Variants in GPRC5B observed in about 807,000 individuals in gnomAD.
The protein encoded by GPRC5B is G protein-coupled receptor class C group 5 member B, also known as G protein-coupled receptor family C group 5 member B.
GPRC5B carries 16 observed loss-of-function variants against 30.1 expected under a neutral mutation model. The observed-to-expected ratio is 0.53, with a 90% CI of 0.36 to 0.81. The LOEUF (loss-of-function observed/expected upper bound fraction) is 0.81, where lower values mean the gene tolerates loss of function less well. Among genes scored for constraint, GPRC5B ranks in the 30% least tolerant of loss-of-function variants. The pLI is 0.01. For missense variants in GPRC5B, 428 were observed against 544.7 expected, an observed-to-expected ratio of 0.79 and a Z score of 2.13; for synonymous variants, 241 against 239.5, an observed-to-expected ratio of 1.01 and a Z score of -0.06.
In GPRC5B at chr16:19,857,369, A is replaced by G; in HGVS notation, c.*3131T>C. 2.4e-6 allele frequency: 1 copy of G among 416,828 alleles called. No individual in the cohort carries two copies. Among genetic ancestry groups the G allele is most frequent in the Non-Finnish European group, 4.6e-6 (1 of 216,916 alleles). The allele number at this position is 416,828 out of a possible 1,614,324, so 25.8% of individuals were successfully genotyped here. ...AATAAAACCTATCTGCCCATGGTTT[A>G]CAGCCTTTTAAATTTGTAATATTTA... is the stretch of plus-strand genomic sequence containing the variant. On this transcript the variant is annotated 3_prime_UTR_variant, in exon 4 of 4. Coordinates refer to ENST00000300571, the MANE Select transcript of GPRC5B (RefSeq NM_016235.3).
chr16:19,870,572 A>G (rs1332457740), intron 2 of GPRC5B, among the ~76,000 whole-genome samples: 1 of 152,258 alleles, frequency 6.6e-6, no homozygotes, highest in Non-Finnish European at 1.5e-5. Context: ...GAACGCAGAC[A>G]TCTGCCTCCA....
At position 19,872,360 on chromosome 16, in the gene GPRC5B, C is replaced by A; in HGVS notation, c.486G>T (p.Leu162=). 6.2e-7 allele frequency: 1 copy of A among 1,613,716 alleles called. No homozygotes were observed. Among genetic ancestry groups the A allele is most frequent in the South Asian group, 1.1e-5 (1 of 91,056 alleles). The part of the protein sequence containing the change: ...RHGTGPAGWQ[L]VGLALCLMLV... ...GCATCAGGCACAGCGCCAGGCCCAC[C>A]AGCTGCCAGCCCGCGGGGCCCGTGC... is the stretch of plus-strand genomic sequence containing the variant. Residue 162 remains leucine (L), a synonymous_variant, in exon 2 of 4, where the codon CTG becomes CTT. Transcript: ENST00000300571. The surrounding 1 kb of genome is among the most constrained non-coding windows in gnomAD (Gnocchi z 5.0).
intron 2 of GPRC5B, among the ~76,000 whole-genome samples, chr16:19,866,118 G>A (rs1012121836): frequency 2.0e-5 from 3 of 151,718 alleles, no homozygotes; most frequent in Non-Finnish European, 2.9e-5. Flanking sequence ...TAGTAGAGAC[G>A]GGGTTTTACC....
At position 19,857,699 on chromosome 16, in the gene GPRC5B, C is replaced by A; in HGVS notation, c.*2801G>T. ...ACTCAGCCTTGGCCAACCGAGACCA[C>A]CACCCGAGTTCACCCTTGTTCAGTG... On this transcript the variant is annotated 3_prime_UTR_variant, in exon 4 of 4. Coordinates refer to ENST00000300571, the MANE Select transcript of GPRC5B (RefSeq NM_016235.3). The A allele has an allele frequency of 5.1e-6, 1 of 194,672 alleles. No individual in the cohort carries two copies. Among genetic ancestry groups the A allele is most frequent in the Non-Finnish European group, 1.0e-5 (1 of 97,226 alleles). 12.1% of individuals were successfully genotyped at this position (194,672 alleles called of 1,614,324 possible). A position where few individuals can be genotyped will look rare whatever the true frequency, so the allele number is the denominator to read the frequency against.
chr16:19,885,211 G>T, upstream of GPRC5B: 1 of 1,288,588 alleles, frequency 7.8e-7, no homozygotes, highest in Non-Finnish European at 1.0e-6. This position sits in a 1 kb window ranked among gnomAD's most constrained non-coding sequence, Gnocchi z 5.3. Context: ...ACCGAGGGAG[G>T]TATCGCGACC....
At chr16:19,885,017 G>A (rs2056840137), upstream of GPRC5B, 1 of 547,140 alleles carries the variant, frequency 1.8e-6, no homozygotes, top group Middle Eastern at 9.3e-4. This position sits in a 1 kb window ranked among gnomAD's most constrained non-coding sequence, Gnocchi z 5.3. Flanking sequence ...CCGTCTGCAT[G>A]CACCCCCGGA....
chr16:19,874,783 C>T (rs946782092), intron 1 of GPRC5B: 3 of 152,022 alleles, frequency 2.0e-5, no homozygotes, highest in East Asian at 1.9e-4. Context: ...GCACCTGGCA[C>T]GATGTTTAGT....
intron 3 of GPRC5B, among the ~76,000 whole-genome samples, chr16:19,861,446 T>C (rs2141137417): frequency 6.6e-6 from 1 of 151,422 alleles, no homozygotes; most frequent in Non-Finnish European, 1.5e-5. Context: ...TGGGGAGGAG[T>C]CAACAGAGGG....
intron 1 of GPRC5B, among the ~76,000 whole-genome samples, chr16:19,875,273 G>A (rs1183293325): frequency 6.6e-6 from 1 of 152,204 alleles, no homozygotes; most frequent in African/African-American, 2.4e-5. Flanking sequence ...TCCTGCTCAG[G>A]TACCTTCCGG....
intron 2 of GPRC5B, among the ~76,000 whole-genome samples, chr16:19,870,823 C>T (rs2056711389): frequency 6.6e-6 from 1 of 152,172 alleles, no homozygotes; most frequent in African/African-American, 2.4e-5. Flanking sequence ...CCAGGAGGGG[C>T]CAGAGGCAGG....
Position 19,861,795 on chromosome 16 carries a change from A to T in GPRC5B, c.1167+42T>A, listed in dbSNP as rs201199981. ...TTGAAGCTGCTCCCCGACACCGTAG[A>T]CTCCTAGGCTTCCTACCCCCACATC... On this transcript the variant is annotated intron_variant, in intron 3 of 3. Coordinates refer to ENST00000300571, the MANE Select transcript of GPRC5B (RefSeq NM_016235.3). The T allele has an allele frequency of 2.5e-5, 39 of 1,582,258 alleles. 2 individuals are homozygous for T. In the South Asian group the frequency reaches 4.3e-4, roughly 18 times the overall value.
chr16:19,884,865 G>A, upstream of GPRC5B: 1 of 981,652 alleles, frequency 1.0e-6, no homozygotes, highest in Non-Finnish European at 1.2e-6. Flanking sequence ...CAGAGTCGCT[G>A]CCGCGCGAGG....
chr16:19,856,903 C>T lies in GPRC5B; in HGVS notation c.*3597G>A, dbSNP rs1039682645. 4.0e-5 allele frequency: 8 copies of T among 200,802 alleles called. No homozygotes were observed. Among genetic ancestry groups the T allele is most frequent in the African/African-American group, 1.2e-4 (5 of 42,762 alleles). 12.4% of individuals were successfully genotyped at this position (200,802 alleles called of 1,614,324 possible). ...TATTACCAGTTTTCCCACTTGTGGCCGCCTTTGCAAAGATCCATATTCTAA... is the reference window on the plus strand; with the variant it reads ...TATTACCAGTTTTCCCACTTGTGGCTGCCTTTGCAAAGATCCATATTCTAA... On this transcript the variant is annotated 3_prime_UTR_variant, in exon 4 of 4. Coordinates refer to ENST00000300571, the MANE Select transcript of GPRC5B (RefSeq NM_016235.3).
At chr16:19,866,517 T>C (rs1282375982) in intron 2 of GPRC5B, among the ~76,000 whole-genome samples, 5 of 151,988 alleles carry the variant, frequency 3.3e-5, no homozygotes, top group Admixed American at 3.3e-4. Context: ...TGCACCACCA[T>C]GCCCAGCTAT....
Position 19,859,541 on chromosome 16 carries a change from G to A in GPRC5B, c.*959C>T, listed in dbSNP as rs1169354761. 3 of 152,254 alleles carry A rather than the reference G, an allele frequency of 2.0e-5. No individual in the cohort carries two copies. The highest frequency in any genetic ancestry group is 1.3e-4 in the Admixed American group (2 of 15,270). 9.4% of individuals were successfully genotyped at this position (152,254 alleles called of 1,614,324 possible). On this transcript the variant is annotated 3_prime_UTR_variant, in exon 4 of 4. Coordinates refer to ENST00000300571, the MANE Select transcript of GPRC5B (RefSeq NM_016235.3). The stretch of plus-strand genomic sequence containing the variant: ...GTGGGAACCCCTGAAGCCCTGCTAG[G>A]TGACATCATCGCGGAAAACCTGCCG...
chr16:19,885,069 C>T, upstream of GPRC5B: 1 of 727,676 alleles, frequency 1.4e-6, no homozygotes, highest in Non-Finnish European at 2.0e-6. The surrounding 1 kb of genome is among the most constrained non-coding windows in gnomAD (Gnocchi z 5.3). Context: ...AGAGACGATT[C>T]CCCCGACCTC....
upstream of GPRC5B, chr16:19,885,531 T>C: frequency 8.9e-7 from 1 of 1,117,558 alleles, no homozygotes; most frequent in Non-Finnish European, 1.1e-6. This position sits in a 1 kb window ranked among gnomAD's most constrained non-coding sequence, Gnocchi z 5.3. Flanking sequence ...AACACACACG[T>C]CCAGTCGGTG....
chr16:19,872,139 A>T lies in GPRC5B; in HGVS notation c.707T>A (p.Leu236His). ...FKRWKLNGAF[L>H]LITAFLSVLI... ...CACAGAGAGGAAGGCTGTGATGAGG[A>T]GGAAGGCCCCGTTCAGCTTCCACCT... The change falls in exon 2 of 4, where the codon CTC becomes CAC. Residue 236 changes from leucine to histidine, a missense_variant. Physicochemically the swap from Leu to His is moderately conservative, Grantham distance 99. Coordinates refer to ENST00000300571, the MANE Select transcript of GPRC5B (RefSeq NM_016235.3). The surrounding 1 kb of genome is among the most constrained non-coding windows in gnomAD (Gnocchi z 5.0). 1 of 1,614,002 alleles carries T rather than the reference A, an allele frequency of 6.2e-7. No individual in the cohort carries two copies. The highest frequency in any genetic ancestry group is 8.5e-7 in the Non-Finnish European group (1 of 1,179,902).
In GPRC5B at chr16:19,857,406, A is replaced by T. The variant is rs933980600; in HGVS notation, c.*3094T>A. The T allele has an allele frequency of 1.4e-5, 6 of 433,276 alleles. No individual in the cohort carries two copies. The highest frequency in any genetic ancestry group is 1.0e-4 in the African/African-American group (5 of 48,260). 26.8% of individuals were successfully genotyped at this position (433,276 alleles called of 1,614,324 possible). On this transcript the variant is annotated 3_prime_UTR_variant, in exon 4 of 4. Coordinates refer to ENST00000300571, the MANE Select transcript of GPRC5B (RefSeq NM_016235.3). ...ATTTGTAATATTTATATAGTCGTTTATGGTACATATTGATTGTCTTGAAAT... is the reference window on the plus strand; with the variant it reads ...ATTTGTAATATTTATATAGTCGTTTTTGGTACATATTGATTGTCTTGAAAT...
Sources: gnomAD v4.1 joint callset for allele counts (sites outside exome capture counted in the v4.1 genomes callset) on GRCh38, gnomAD v4.1.1 for gene constraint, Gnocchi (gnomAD v3.1) non-coding constraint, MANE v1.5 for transcripts, NCBI Gene and HGNC (gene_info 2026-07-23, HGNC 2026-07-21) for gene names.